The following SCN11A variants were observed in gnomAD, a reference collection of about 807,000 sequenced individuals.
SCN11A encodes sodium voltage-gated channel alpha subunit 11, also known as sodium channel protein type 11 subunit alpha.
SCN11A carries 122 observed loss-of-function variants against 162.2 expected under a neutral mutation model. The ratio of observed to expected loss-of-function variants is 0.75; its 90% CI spans 0.65 to 0.87. The LOEUF is 0.87. SCN11A is among the 40% of genes least tolerant of loss of function. The pLI, the probability that SCN11A is intolerant of heterozygous loss-of-function variation, is 0.00. For synonymous variants in SCN11A, 758 were observed against 751.5 expected, an observed-to-expected ratio of 1.01 and a Z score of -0.14; for missense variants, 2,015 against 2,181.6, an observed-to-expected ratio of 0.92 and a Z score of 1.52.
intron 2 of SCN11A, among the ~76,000 whole-genome samples, chr3:38,983,643 C>G (rs1303858379): frequency 6.6e-6 from 1 of 152,172 alleles, no homozygotes; most frequent in Non-Finnish European, 1.5e-5. Context: ...ACCTCTACCC[C>G]ATAAGGGAGC....
chr3:38,995,163 C>T (rs1312435651), intron 2 of SCN11A, among the ~76,000 whole-genome samples: 1 of 151,662 alleles, frequency 6.6e-6, no homozygotes, highest in Admixed American at 6.6e-5. Flanking sequence ...TGGAGTCTCC[C>T]TCTGTTGCCC....
intron 9 of SCN11A, 85 bp downstream of exon 9, chr3:38,925,330 T>A: frequency 1.1e-6 from 1 of 897,234 alleles, no homozygotes; most frequent in Non-Finnish European, 1.7e-6. Context: ...GTTTTTGGTT[T>A]ACATGATGAC....
At chr3:38,926,487 C>CTTT (rs869220907) in intron 8 of SCN11A, among the ~76,000 whole-genome samples, 1 of 144,130 alleles carries the variant, frequency 6.9e-6, no homozygotes, top group Non-Finnish European at 1.5e-5. Context: ...AAAACCATGT[C>CTTT]TTTTTTTTTT....
At position 38,850,458 on chromosome 3, in the gene SCN11A, C is replaced by T. The variant is rs571873778; in HGVS notation, c.4327+23G>A. ...AACTTACTTCTGGTTCTTAAAGTCCCTCTGACTGCTGATTTTACTTACTAA... is the reference window on the plus strand; with the variant it reads ...AACTTACTTCTGGTTCTTAAAGTCCTTCTGACTGCTGATTTTACTTACTAA... On this transcript the variant is annotated intron_variant, in intron 29 of 29. Coordinates refer to ENST00000302328, the MANE Select transcript of SCN11A (RefSeq NM_001349253.2). The T allele has an allele frequency of 5.6e-6, 9 of 1,600,862 alleles. No homozygotes were observed. In the Admixed American group the frequency reaches 6.8e-5, roughly 12 times the overall value.
At chr3:39,032,614 T>A (rs2031789108) in intron 1 of SCN11A, among the ~76,000 whole-genome samples, 111 bp from the exon 2 acceptor site, 1 of 152,188 alleles carries the variant, frequency 6.6e-6, no homozygotes, top group South Asian at 2.1e-4. Context: ...TCAAACTGAT[T>A]TGAAAATTTT....
At chr3:38,949,374 C>G (rs1160096361) in intron 5 of SCN11A, among the ~76,000 whole-genome samples, 3 of 152,220 alleles carry the variant, frequency 2.0e-5, no homozygotes, top group African/African-American at 4.8e-5. Flanking sequence ...AATTTCCCTG[C>G]AAGAACTGCA....
intron 4 of SCN11A, among the ~76,000 whole-genome samples, chr3:38,952,130 C>T (rs2066629693): frequency 6.6e-6 from 1 of 152,272 alleles, no homozygotes; most frequent in African/African-American, 2.4e-5. Context: ...TGAACAACTC[C>T]AGACGCACTG....
intron 1 of SCN11A, among the ~76,000 whole-genome samples, chr3:39,041,870 CAATT>C (rs986094491): frequency 3.9e-5 from 6 of 152,188 alleles, no homozygotes; most frequent in African/African-American, 1.4e-4. Context: ...AACTAGAAAA[CAATT>C]AACAATATGA....
chr3:38,900,198 C>A lies in SCN11A; in HGVS notation c.1843-125G>T, dbSNP rs1308739575. 113 of 709,036 alleles carry A rather than the reference C, an allele frequency of 1.6e-4. No individual in the cohort carries two copies. The East Asian group carries it at 1.8e-3, about 12-fold the overall frequency. 43.9% of individuals were successfully genotyped at this position (709,036 alleles called of 1,614,324 possible). On this transcript the variant is annotated intron_variant, in intron 16 of 29. Coordinates refer to ENST00000302328, the MANE Select transcript of SCN11A (RefSeq NM_001349253.2). The stretch of plus-strand genomic sequence containing the variant: ...ATTCTCATGATTGACACACTATACC[C>A]TAAAGTCCATGCAATAGAAATATTT...
chr3:39,028,166 C>T (rs2031637359), intron 2 of SCN11A, among the ~76,000 whole-genome samples: 1 of 152,186 alleles, frequency 6.6e-6, no homozygotes, highest in Non-Finnish European at 1.5e-5. Context: ...CATCTCTAGC[C>T]CTCTAGATTT....
chr3:38,906,159 C>A (rs1334508186), intron 14 of SCN11A, among the ~76,000 whole-genome samples: 2 of 152,172 alleles, frequency 1.3e-5, no homozygotes, highest in Non-Finnish European at 1.5e-5. Flanking sequence ...CTTTCCCCAC[C>A]ACATTATCAG....
chr3:38,995,733 G>C (rs2030605491), intron 2 of SCN11A, among the ~76,000 whole-genome samples: 1 of 151,992 alleles, frequency 6.6e-6, no homozygotes, highest in South Asian at 2.1e-4. Flanking sequence ...TCTCCAGCCT[G>C]CAGATGGCTG....
rs1481883725 is a variant in SCN11A, at chr3:38,903,875, A to C, written c.1832T>G (p.Ile611Arg). 6.9e-6 allele frequency: 11 copies of C among 1,593,882 alleles called. No homozygotes were observed. The highest frequency in any genetic ancestry group is 8.5e-6 in the Non-Finnish European group (10 of 1,169,876). Reference protein sequence around the residue: ...MEASFEKMLNIGNLVFTSIFI... With the variant: ...MEASFEKMLNRGNLVFTSIFI... Reference sequence around the variant, plus strand: ...AAAGTGTAATGTTACCAAATTCCCTATATTCAACATCTTCTCAAAACTGGC... The same window carrying C: ...AAAGTGTAATGTTACCAAATTCCCTCTATTCAACATCTTCTCAAAACTGGC... The change falls in exon 16 of 30, where the codon ATA (isoleucine) becomes AGA (arginine). Residue 611 changes from isoleucine to arginine, a missense_variant. Transcript: ENST00000302328.
intron 27 of SCN11A, among the ~76,000 whole-genome samples, chr3:38,866,241 T>TG (rs1470809977): frequency 6.6e-6 from 1 of 151,752 alleles, no homozygotes; most frequent in Non-Finnish European, 1.5e-5. Context: ...TTCTTTGAGA[T>TG]GGAGTCTCGC....
chr3:38,994,091 G>T (rs1272796553), intron 2 of SCN11A, among the ~76,000 whole-genome samples: 1 of 152,092 alleles, frequency 6.6e-6, no homozygotes, highest in Non-Finnish European at 1.5e-5. Flanking sequence ...TCCTGGGATC[G>T]CTCCCCAAAT....
intron 9 of SCN11A, among the ~76,000 whole-genome samples, chr3:38,925,211 C>T (rs1388906006): frequency 6.6e-6 from 1 of 151,832 alleles, no homozygotes; most frequent in Non-Finnish European, 1.5e-5. Flanking sequence ...AGTCCGTATC[C>T]ATTTGCTTAC....
rs547815342 is a variant in SCN11A at position 38,899,968 on chromosome 3, G to A, written c.1948C>T (p.Leu650Phe). ...GWNIFDSIVA[L>F]LSFADVMNCV... ...TTCATTACATCTGCAAAACTCAGAA[G>A]AGCAACAATGCTGTCAAAAATGTTC... is the stretch of plus-strand genomic sequence containing the variant. The change falls in exon 17 of 30, where the codon CTT (leucine) becomes TTT (phenylalanine). Residue 650 changes from leucine to phenylalanine, a missense_variant. By Grantham distance (22) the Leu-to-Phe change is conservative. Transcript: ENST00000302328. 56 of 1,614,112 alleles carry A rather than the reference G, an allele frequency of 3.5e-5. No individual in the cohort carries two copies. The East Asian group carries it at 1.2e-3, about 35-fold the overall frequency.
At chr3:38,902,680 G>A (rs1371552345) in intron 16 of SCN11A, among the ~76,000 whole-genome samples, 1 of 152,068 alleles carries the variant, frequency 6.6e-6, no homozygotes, top group Admixed American at 6.6e-5. Flanking sequence ...ACCATGCCCG[G>A]CTAAATTTTT....
intron 2 of SCN11A, among the ~76,000 whole-genome samples, chr3:38,974,719 G>GAAAAA (rs2066838401): frequency 2.3e-5 from 3 of 132,922 alleles, no homozygotes; most frequent in Non-Finnish European, 1.6e-5. Flanking sequence ...AAAAAGAAAA[G>GAAAAA]AAAAGAAAAG....
Sources: gnomAD v4.1 joint callset for allele counts (sites outside exome capture counted in the v4.1 genomes callset) on GRCh38, gnomAD v4.1.1 for gene constraint, MANE v1.5 for transcripts, NCBI Gene and HGNC (gene_info 2026-07-23, HGNC 2026-07-21) for gene names.